The following PAOX variants were observed in gnomAD, a reference collection of about 807,000 sequenced individuals.
The protein encoded by PAOX is peroxisomal N(1)-acetyl-spermine/spermidine oxidase.
Under a neutral mutation model 39.0 loss-of-function variants are expected in PAOX, and 38 were observed. That is an observed-to-expected ratio of 0.97 (90% CI 0.75 to 1.28). The LOEUF is 1.28. Ranked by LOEUF, PAOX falls within the 50% of genes most tolerant of loss-of-function variation. The pLI, the probability that PAOX is intolerant of heterozygous loss-of-function variation, is 0.00. For synonymous variants in PAOX, 311 were observed against 314.4 expected (o/e 0.99, Z 0.11); for missense variants, 667 against 685.7 (o/e 0.97, Z 0.30).
chr10:133,386,560 C>T (rs1017743841), intron 4 of PAOX, among the ~76,000 whole-genome samples: 2 of 151,220 alleles, frequency 1.3e-5, no homozygotes, highest in African/African-American at 4.9e-5. Flanking sequence ...CTGCAACCTC[C>T]GCCTCCCGGG....
chr10:133,380,284 G>A lies in PAOX; in HGVS notation c.467G>A (p.Gly156Glu), dbSNP rs754824396. ...GCAGAGACCCCGGTGCCCAGCGTCG[G>A]GGAGTACCTCAAGAAGGAGATTGGC... ...HAAETPVPSVGEYLKKEIGQH... is the reference protein window; with the variant it reads ...HAAETPVPSVEEYLKKEIGQH... The change falls in exon 2 of 7, where the codon GGG (glycine) becomes GAG (glutamate). Residue 156 changes from glycine (G) to glutamate (E), a missense_variant. Gly to Glu is a moderately conservative substitution (Grantham distance 98). Transcript: ENST00000278060. 8.1e-6 allele frequency: 13 copies of A among 1,612,904 alleles called. No homozygotes were observed. The highest frequency in any genetic ancestry group is 1.0e-5 in the Non-Finnish European group (12 of 1,180,036).
rs751752820 is a variant in PAOX, at chr10:133,380,365, T to C, written c.548T>C (p.Val183Ala). The change falls in exon 2 of 7, where the codon GTC becomes GCC. Residue 183 changes from valine (V) to alanine (A), a missense_variant. Val to Ala is a moderately conservative substitution (Grantham distance 64). Coordinates refer to ENST00000278060, the MANE Select transcript of PAOX (RefSeq NM_152911.4). The part of the protein sequence containing the change: ...DEETRKLKLA[V>A]LNSFFNLECC... The stretch of plus-strand genomic sequence containing the variant: ...GAGACCAGGAAGCTGAAGCTGGCCG[T>C]CCTGAACTCCTTCTTCAACCTGGAA... The C allele has an allele frequency of 6.2e-7, 1 of 1,612,898 alleles. No individual in the cohort carries two copies. Among genetic ancestry groups the C allele is most frequent in the Admixed American group, 1.7e-5 (1 of 60,016 alleles).
intron 3 of PAOX, among the ~76,000 whole-genome samples, chr10:133,382,053 T>C (rs951444419): frequency 6.6e-6 from 1 of 152,170 alleles, no homozygotes; most frequent in Non-Finnish European, 1.5e-5. Flanking sequence ...TCTGGTGCTT[T>C]AGATCTGTCC....
Position 133,389,061 on chromosome 10 carries a change from A to C in PAOX, c.1227A>C (p.Arg409Ser). Residue 409 changes from arginine to serine, a missense_variant, in exon 5 of 7, where the codon AGA becomes AGC. Coordinates refer to ENST00000278060, the MANE Select transcript of PAOX (RefSeq NM_152911.4). ...VLLCLTQVLR[R>S]VTGNPRLPAP... ...TGTGTCTCACCCAAGTGCTCCGGAG[A>C]GTGACAGGTAGGTACTCACCACACA... 6.2e-7 allele frequency: 1 copy of C among 1,611,148 alleles called. No homozygotes were observed. Among genetic ancestry groups the C allele is most frequent in the Non-Finnish European group, 8.5e-7 (1 of 1,177,342 alleles).
rs1849683808 is a variant in PAOX at position 133,391,490 on chromosome 10, G to A, written c.*35G>A. 7.0e-6 allele frequency: 11 copies of A among 1,573,852 alleles called. No individual in the cohort carries two copies. The highest frequency in any genetic ancestry group is 5.2e-6 in the Non-Finnish European group (6 of 1,160,594). On this transcript the variant is annotated 3_prime_UTR_variant, in exon 7 of 7. Transcript: ENST00000278060. ...GCCTACTCTGTTCCACCCGTGTCGG[G>A]GGTAGGCTGGGACCCTCATTTCTTC...
chr10:133,384,317 T>C lies in PAOX; in HGVS notation c.1121+105T>C. On this transcript the variant is annotated intron_variant, in intron 4 of 6. Transcript: ENST00000278060. This position sits in a 1 kb window ranked among gnomAD's most constrained non-coding sequence, Gnocchi z 4.3. The stretch of plus-strand genomic sequence containing the variant: ...TTCACTGCAGGGTATTTCTAGGGGG[T>C]TTAATGGGTAGGGTTCCCATGAGCG... 6.6e-7 allele frequency: 1 copy of C among 1,506,586 alleles called. No homozygotes were observed. Among genetic ancestry groups the C allele is most frequent in the African/African-American group, 1.4e-5 (1 of 71,646 alleles). The allele number at this position is 1,506,586 out of a possible 1,614,324, so 93.3% of individuals were successfully genotyped here. A position where few individuals can be genotyped will look rare whatever the true frequency, so the allele number is the denominator to read the frequency against.
chr10:133,389,905 GTT>G (rs1484860632), intron 6 of PAOX, among the ~76,000 whole-genome samples, 158 bp downstream of exon 6: 1 of 152,236 alleles, frequency 6.6e-6, no homozygotes, highest in Non-Finnish European at 1.5e-5. Flanking sequence ...TAAATGTACT[GTT>G]TTTGTGAGAA....
In PAOX at chr10:133,380,590, C is replaced by A. The variant is rs1849339331; in HGVS notation, c.668+105C>A. The A allele has an allele frequency of 2.9e-6, 4 of 1,385,578 alleles. 1 individual carries two copies. In the South Asian group the frequency reaches 5.9e-5, roughly 21 times the overall value. 85.8% of individuals were successfully genotyped at this position (1,385,578 alleles called of 1,614,324 possible). A position where few individuals can be genotyped will look rare whatever the true frequency, so the allele number is the denominator to read the frequency against. On this transcript the variant is annotated intron_variant, in intron 2 of 6. Transcript: ENST00000278060. ...CTTGGGTATGGGAGGGACAGGAGAC[C>A]ATTTGTCCTCCCCATTCCGACAGAC...
At chr10:133,391,039 C>T (rs1167143203) in intron 6 of PAOX, 3 of 701,812 alleles carry the variant, frequency 4.3e-6, no homozygotes, top group South Asian at 1.5e-5. Context: ...GCGTGTGAGC[C>T]GTTTTCCCGC....
chr10:133,381,501 C>G lies in PAOX; in HGVS notation c.710C>G (p.Pro237Arg). ...ACAAACTGCATGATGGCCGCCCTGC[C>G]GGAGGACACTGTAGTTTTTGAGAAG... ...GLTNCMMAAL[P>R]EDTVVFEKPV... Residue 237 changes from proline (P) to arginine (R), a missense_variant, in exon 3 of 7, where the codon CCG becomes CGG. Pro to Arg is a moderately radical substitution (Grantham distance 103). Coordinates refer to ENST00000278060, the MANE Select transcript of PAOX (RefSeq NM_152911.4). 1 of 1,613,720 alleles carries G rather than the reference C, an allele frequency of 6.2e-7. No homozygotes were observed. Among genetic ancestry groups the G allele is most frequent in the South Asian group, 1.1e-5 (1 of 91,086 alleles).
rs200355341 is a variant in PAOX, at chr10:133,389,584, G to A, written c.1235-6G>A. 2.6e-4 allele frequency: 417 copies of A among 1,613,912 alleles called. 1 individual carries two copies. The highest frequency in any genetic ancestry group is 8.2e-4 in the Middle Eastern group (5 of 6,062). ...TCGGTTAACATGCAGTGTCTCTGTGGCTCAGGAAACCCACGGCTCCCCGCG... is the reference window on the plus strand; with the variant it reads ...TCGGTTAACATGCAGTGTCTCTGTGACTCAGGAAACCCACGGCTCCCCGCG... On this transcript the variant is annotated splice_region_variant and splice_polypyrimidine_tract_variant and intron_variant, in intron 5 of 6. Transcript: ENST00000278060.
chr10:133,386,197 G>A (rs1849528646), intron 4 of PAOX, among the ~76,000 whole-genome samples: 1 of 151,162 alleles, frequency 6.6e-6, no homozygotes, highest in Admixed American at 6.6e-5. Flanking sequence ...GCTAATTTTT[G>A]TAGTTTTAGT....
chr10:133,383,962 T>C lies in PAOX; in HGVS notation c.871T>C (p.Phe291Leu), dbSNP rs762606849. ...AAGAGTCCAATTCTGAATTCCAGGT[T>C]TTCTTAGGGAACATTTGGACACCTT... ...HHVIVTVPLG[F>L]LREHLDTFFD... Residue 291 changes from phenylalanine to leucine, a missense_variant and splice_region_variant, in exon 4 of 7, where the codon TTT (phenylalanine) becomes CTT (leucine). Physicochemically the swap from Phe to Leu is conservative, Grantham distance 22. Coordinates refer to ENST00000278060, the MANE Select transcript of PAOX (RefSeq NM_152911.4). 2.5e-6 allele frequency: 4 copies of C among 1,612,392 alleles called. No homozygotes were observed. The highest frequency in any genetic ancestry group is 2.5e-6 in the Non-Finnish European group (3 of 1,178,940).
intron 2 of PAOX, among the ~76,000 whole-genome samples, chr10:133,380,845 G>A (rs1251146629): frequency 6.6e-6 from 1 of 152,208 alleles, no homozygotes; most frequent in East Asian, 1.9e-4. Context: ...GGGCGTGATG[G>A]TGCATGCCTG....
In PAOX at chr10:133,381,612, A is replaced by T; in HGVS notation, c.821A>T (p.Asp274Val). The T allele has an allele frequency of 6.2e-7, 1 of 1,613,392 alleles. No homozygotes were observed. Among genetic ancestry groups the T allele is most frequent in the South Asian group, 1.1e-5 (1 of 91,074 alleles). ...ETFPVSVECEDGDRFPAHHVI... is the reference protein window; with the variant it reads ...ETFPVSVECEVGDRFPAHHVI... Reference sequence around the variant, plus strand: ...TTTCCAGTGTCGGTAGAGTGTGAGGATGGAGACCGGTTCCCGGCGCACCAT... The same window carrying T: ...TTTCCAGTGTCGGTAGAGTGTGAGGTTGGAGACCGGTTCCCGGCGCACCAT... The change falls in exon 3 of 7, where the codon GAT becomes GTT. Residue 274 changes from aspartate to valine, a missense_variant. Transcript: ENST00000278060.
chr10:133,383,578 G>A (rs1849451703), intron 3 of PAOX, among the ~76,000 whole-genome samples: 2 of 143,958 alleles, frequency 1.4e-5, no homozygotes, highest in African/African-American at 5.2e-5. Flanking sequence ...ATTCCAGCTT[G>A]GGCGACAGAG....
intron 6 of PAOX, chr10:133,390,980 C>T: frequency 4.3e-6 from 3 of 702,332 alleles, no homozygotes; most frequent in Non-Finnish European, 7.8e-6. Context: ...AGCCGTCTTC[C>T]CACCCGTTGG....
chr10:133,379,803 G>T (rs539765876), intron 1 of PAOX, 196 bp from the exon 2 acceptor site: 5 of 688,388 alleles, frequency 7.3e-6, no homozygotes, highest in Admixed American at 3.7e-5. Flanking sequence ...CACACCGCCC[G>T]ACAAGTGCCC....
chr10:133,379,584 C>T, intron 1 of PAOX, 87 bp downstream of exon 1: 2 of 1,105,486 alleles, frequency 1.8e-6, no homozygotes, highest in African/African-American at 1.6e-5. Context: ...CGCAGCCGAC[C>T]TGCCCGGCCG....
Sources: gnomAD v4.1 joint callset for allele counts (sites outside exome capture counted in the v4.1 genomes callset) on GRCh38, gnomAD v4.1.1 for gene constraint, Gnocchi (gnomAD v3.1) non-coding constraint, MANE v1.5 for transcripts, NCBI Gene and HGNC (gene_info 2026-07-23, HGNC 2026-07-21) for gene names.